Variants in FGF12 observed in about 807,000 individuals in gnomAD.
The protein encoded by FGF12 is fibroblast growth factor 12B.
In FGF12, 14 loss-of-function variants were observed where a neutral mutation model predicts 23.6. That is an observed-to-expected ratio of 0.59 (90% CI 0.39 to 0.93). The LOEUF (loss-of-function observed/expected upper bound fraction) is 0.93. FGF12 is among the 40% of genes least tolerant of loss of function. FGF12 has a pLI of 0.00. For missense variants in FGF12, 175 were observed against 217.8 expected (o/e 0.80, Z 1.24); for synonymous variants, 62 against 77.3 (o/e 0.80, Z 1.04).
At chr3:192,651,718 A>C (rs1716220816) in intron 2 of FGF12, among the ~76,000 whole-genome samples, 1 of 152,192 alleles carries the variant, frequency 6.6e-6, no homozygotes, top group African/African-American at 2.4e-5. Context: ...TAACATATTC[A>C]TATTTATATA....
intron 2 of FGF12, among the ~76,000 whole-genome samples, chr3:192,712,056 G>C (rs1577136055): frequency 6.8e-6 from 1 of 147,878 alleles, no homozygotes; most frequent in East Asian, 2.0e-4. Flanking sequence ...AAAGAAAACA[G>C]ACAAATAAGC....
At chr3:192,693,737 C>T (rs1208067935) in intron 2 of FGF12, among the ~76,000 whole-genome samples, 1 of 152,070 alleles carries the variant, frequency 6.6e-6, no homozygotes, top group Admixed American at 6.5e-5. Flanking sequence ...TCTTACACTA[C>T]AAAATACTCA....
rs913243742 is a variant in FGF12 at position 192,360,156 on chromosome 3, G to C, written c.124+272C>G. ...TCCTAGGAGTGTGTATCATCATGCTGCCTAAAAACACTGTGATGGGAGTAT... is the reference window on the plus strand; with the variant it reads ...TCCTAGGAGTGTGTATCATCATGCTCCCTAAAAACACTGTGATGGGAGTAT... On this transcript the variant is annotated intron_variant, in intron 3 of 5. Transcript: ENST00000445105. This position sits in a 1 kb window ranked among gnomAD's most constrained non-coding sequence, Gnocchi z 4.3. Among the ~76,000 whole-genome samples the C allele has an allele frequency of 2.0e-5, 3 of 152,064 alleles. No individual in the cohort carries two copies. Among genetic ancestry groups the C allele is most frequent in the Admixed American group, 6.6e-5 (1 of 15,248 alleles).
chr3:192,334,954 G>GT (rs1230165438), intron 4 of FGF12, among the ~76,000 whole-genome samples: 6 of 152,080 alleles, frequency 3.9e-5, no homozygotes, highest in South Asian at 4.1e-4. Flanking sequence ...AATTATGAAC[G>GT]TTTTTTTCTC....
Position 192,219,130 on chromosome 3 carries a change from G to C in FGF12, c.229-48474C>G, listed in dbSNP as rs564028448. On this transcript the variant is annotated intron_variant, in intron 4 of 5. Coordinates refer to ENST00000445105, the MANE Select transcript of FGF12 (RefSeq NM_004113.6). Reference sequence around the variant, plus strand: ...GATGGAGTCTTGCTCTGTCACCCAGGCTGGAGTGCAGTGGTGCAATCTTGG... The same window carrying C: ...GATGGAGTCTTGCTCTGTCACCCAGCCTGGAGTGCAGTGGTGCAATCTTGG... Among the ~76,000 whole-genome samples the C allele has an allele frequency of 1.1e-3, 170 of 151,990 alleles. 1 individual carries two copies. Among genetic ancestry groups the C allele is most frequent in the Non-Finnish European group, 1.0e-3 (69 of 67,982 alleles).
intron 2 of FGF12, among the ~76,000 whole-genome samples, chr3:192,382,507 T>G (rs1208440781): frequency 6.6e-6 from 1 of 152,060 alleles, no homozygotes; most frequent in Non-Finnish European, 1.5e-5. Context: ...CAATTCTTAG[T>G]GTGGTCTTCT....
At chr3:192,228,418 C>T (rs915872784) in intron 4 of FGF12, among the ~76,000 whole-genome samples, 1 of 152,006 alleles carries the variant, frequency 6.6e-6, no homozygotes, top group Admixed American at 6.6e-5. Flanking sequence ...CAGATATTAG[C>T]GATATATAAA....
At chr3:192,435,755 C>A (rs1008031547) in intron 2 of FGF12, among the ~76,000 whole-genome samples, 6 of 152,142 alleles carry the variant, frequency 3.9e-5, no homozygotes, top group Non-Finnish European at 7.4e-5. Flanking sequence ...ATAAGCATTT[C>A]TTCTCCTGTT....
intron 2 of FGF12, among the ~76,000 whole-genome samples, chr3:192,562,586 G>A (rs1012300666): frequency 2.6e-5 from 4 of 151,902 alleles, no homozygotes; most frequent in African/African-American, 7.3e-5. Context: ...CCATCTTGTC[G>A]CCATGGGACA....
At chr3:192,213,839 C>G (rs1175029637) in intron 4 of FGF12, among the ~76,000 whole-genome samples, 1 of 152,186 alleles carries the variant, frequency 6.6e-6, no homozygotes, top group Non-Finnish European at 1.5e-5. Context: ...ATTGGATCTT[C>G]GTGGCCCATT....
At chr3:192,636,793 C>A (rs1429003585) in intron 2 of FGF12, among the ~76,000 whole-genome samples, 1 of 152,146 alleles carries the variant, frequency 6.6e-6, no homozygotes, top group East Asian at 1.9e-4. Flanking sequence ...TCAGAGAGGA[C>A]AATTCCAAAA....
chr3:192,522,152 C>T (rs1296138162), intron 2 of FGF12, among the ~76,000 whole-genome samples: 1 of 149,292 alleles, frequency 6.7e-6, no homozygotes, highest in Non-Finnish European at 1.5e-5. Context: ...GAGCCGAGAT[C>T]GCGCCACTGC....
At chr3:192,521,245 C>T (rs1724804583) in intron 2 of FGF12, 1 of 152,104 alleles carries the variant, frequency 6.6e-6, no homozygotes. Context: ...TGAGTTTGAA[C>T]ATTTTGTCAT....
intron 3 of FGF12, among the ~76,000 whole-genome samples, chr3:192,338,762 G>A (rs1283517355): frequency 2.0e-5 from 3 of 152,268 alleles, no homozygotes; most frequent in East Asian, 1.9e-4. Context: ...CTTAGTCTGT[G>A]CGATGCAGAG....
At chr3:192,462,467 C>T (rs947867215) in intron 2 of FGF12, among the ~76,000 whole-genome samples, 4 of 152,144 alleles carry the variant, frequency 2.6e-5, no homozygotes, top group Non-Finnish European at 5.9e-5. Context: ...TTTGCCACCT[C>T]AAGACTCTGT....
chr3:192,717,153 G>A (rs1718890596), intron 2 of FGF12, among the ~76,000 whole-genome samples: 1 of 152,182 alleles, frequency 6.6e-6, no homozygotes, highest in Non-Finnish European at 1.5e-5. Context: ...TACACAGTGG[G>A]ACTAGTTTTT....
intron 2 of FGF12, among the ~76,000 whole-genome samples, chr3:192,442,394 A>G (rs1282069830): frequency 1.3e-5 from 2 of 152,232 alleles, no homozygotes; most frequent in Non-Finnish European, 2.9e-5. Context: ...TAAATGCATG[A>G]GACAATTAAG....
chr3:192,317,357 T>C (rs1044250164), intron 4 of FGF12, among the ~76,000 whole-genome samples: 2 of 151,452 alleles, frequency 1.3e-5, no homozygotes, highest in African/African-American at 4.9e-5. Context: ...CCCACTGTCC[T>C]AAAGAGCGAG....
chr3:192,725,979 G>T (rs1719201306), intron 2 of FGF12, among the ~76,000 whole-genome samples: 1 of 152,126 alleles, frequency 6.6e-6, no homozygotes, highest in Non-Finnish European at 1.5e-5. Flanking sequence ...ACTGAAAATT[G>T]CCTGCTAGTC....
Sources: allele counts gnomAD v4.1 joint callset (sites outside exome capture counted in the v4.1 genomes callset), GRCh38; gene constraint gnomAD v4.1.1; non-coding constraint Gnocchi (gnomAD v3.1); transcripts MANE v1.5; gene names NCBI Gene and HGNC (gene_info 2026-07-23, HGNC 2026-07-21).